The following CERS3 variants were observed in gnomAD, a reference collection of about 807,000 sequenced individuals.
CERS3 encodes ceramide synthase 3.
In CERS3, 33 loss-of-function variants were observed where a neutral mutation model predicts 50.3. The observed-to-expected ratio is 0.66, with a 90% CI of 0.50 to 0.88. The LOEUF (loss-of-function observed/expected upper bound fraction) is 0.88, where lower values mean the gene tolerates loss of function less well. Ranked by LOEUF, CERS3 falls within the 40% of genes least tolerant of loss-of-function variation. CERS3 has a pLI of 0.00. For missense variants in CERS3, 470 were observed against 460.3 expected (o/e 1.02, Z -0.19); for synonymous variants, 176 against 155.2 (o/e 1.13, Z -0.99).
intron 2 of CERS3, among the ~76,000 whole-genome samples, chr15:100,517,215 T>C (rs950912638): frequency 6.6e-6 from 1 of 152,264 alleles, no homozygotes; most frequent in African/African-American, 2.4e-5. Context: ...AAGTACATCA[T>C]GTGTCTCAGT....
chr15:100,496,857 C>A (rs1186716275), intron 3 of CERS3, among the ~76,000 whole-genome samples: 1 of 151,950 alleles, frequency 6.6e-6, no homozygotes. Flanking sequence ...ATTTTTATAT[C>A]GATGGAAGTT....
In CERS3 at chr15:100,520,291, G is replaced by A. The variant is rs112374679; in HGVS notation, c.-2+1376C>T. Among the ~76,000 whole-genome samples the A allele has an allele frequency of 8.5e-3, 1,300 of 152,316 alleles. 23 individuals are homozygous for A. The highest frequency in any genetic ancestry group is 0.029 in the African/African-American group (1,222 of 41,572). On this transcript the variant is annotated intron_variant, in intron 2 of 11. Coordinates refer to ENST00000679737, the MANE Select transcript of CERS3 (RefSeq NM_001378789.1). ...CTGGGAGGAAAGACAGGGCCCAGCT[G>A]AGGGCTGGTGCCTCCATTTGTATTC...
intron 2 of CERS3, among the ~76,000 whole-genome samples, chr15:100,512,249 T>C (rs1399653488): frequency 6.6e-6 from 1 of 152,222 alleles, no homozygotes; most frequent in African/African-American, 2.4e-5. Context: ...CCAATCCCTT[T>C]ACATATTTTC....
At chr15:100,533,012 T>C (rs2036977406), upstream of CERS3, among the ~76,000 whole-genome samples, 1 of 152,174 alleles carries the variant, frequency 6.6e-6, no homozygotes, top group African/African-American at 2.4e-5. Flanking sequence ...CTGAACTTCA[T>C]CTTCCCTTCC....
In CERS3 at chr15:100,476,123, G is replaced by A; in HGVS notation, c.572C>T (p.Ser191Phe). ...ATCAAAGCCAAGTCTAAATAACAGA[G>A]ACCAATAAAAACTCATTTCTAAAAT... is the stretch of plus-strand genomic sequence containing the variant. The part of the protein sequence containing the change: ...YYILEMSFYW[S>F]LLFRLGFDVK... Residue 191 changes from serine to phenylalanine, a missense_variant, in exon 8 of 12, where the codon TCT becomes TTT. Ser to Phe is a radical substitution (Grantham distance 155). Transcript: ENST00000679737. The A allele has an allele frequency of 6.3e-7, 1 of 1,580,116 alleles. No homozygotes were observed. The highest frequency in any genetic ancestry group is 2.4e-5 in the East Asian group (1 of 41,808).
chr15:100,464,386 G>C (rs1410087940), intron 10 of CERS3, among the ~76,000 whole-genome samples: 1 of 152,114 alleles, frequency 6.6e-6, no homozygotes. Flanking sequence ...CCCTTGTACT[G>C]TTCGTAACAC....
intron 9 of CERS3, 68 bp from the exon 10 acceptor site, chr15:100,469,552 T>TGTA: frequency 9.2e-7 from 1 of 1,090,702 alleles, no homozygotes; most frequent in Non-Finnish European, 1.4e-6. Flanking sequence ...AATTTATAAA[T>TGTA]GAAATGATAT....
rs2654633 is a variant in CERS3 at position 100,484,245 on chromosome 15, T to C, written c.407+305A>G. Among the ~76,000 whole-genome samples the C allele has an allele frequency of 0.055, 8,336 of 152,272 alleles. 311 individuals are homozygous for C. Among genetic ancestry groups the C allele is most frequent in the Non-Finnish European group, 0.088 (5,967 of 68,004 alleles). ...CCAGTTAAGACATTTTTATGATTTTTTCTGGGTTTCAGGCTGAGTACATAA... is the reference window on the plus strand; with the variant it reads ...CCAGTTAAGACATTTTTATGATTTTCTCTGGGTTTCAGGCTGAGTACATAA... On this transcript the variant is annotated intron_variant, in intron 5 of 11. Coordinates refer to ENST00000679737, the MANE Select transcript of CERS3 (RefSeq NM_001378789.1).
chr15:100,408,732 A>G (rs997013244), intron 11 of CERS3: 2 of 152,196 alleles, frequency 1.3e-5, no homozygotes, highest in Admixed American at 1.3e-4. Context: ...TTGGAAATCA[A>G]TAAATCTCTC....
chr15:100,484,251 G>A (rs1340516796), intron 5 of CERS3, among the ~76,000 whole-genome samples: 2 of 152,156 alleles, frequency 1.3e-5, no homozygotes, highest in East Asian at 1.9e-4. Flanking sequence ...TTTTTTCTGG[G>A]TTTCAGGCTG....
intron 11 of CERS3, among the ~76,000 whole-genome samples, chr15:100,455,229 C>T (rs946499237): frequency 2.0e-5 from 3 of 151,578 alleles, no homozygotes; most frequent in African/African-American, 4.9e-5. Context: ...CCAGCAATCT[C>T]ACTACTGCAT....
chr15:100,441,053 A>G (rs1006212812), intron 11 of CERS3, among the ~76,000 whole-genome samples: 2 of 151,840 alleles, frequency 1.3e-5, no homozygotes, highest in African/African-American at 4.8e-5. Flanking sequence ...TTGGTCCTTC[A>G]CCCTTAGCGG....
chr15:100,446,218 G>C (rs1030202393), intron 11 of CERS3, among the ~76,000 whole-genome samples: 2 of 151,736 alleles, frequency 1.3e-5, no homozygotes, highest in East Asian at 1.9e-4. Context: ...CTTTTTCAGA[G>C]ATCACAGAAA....
chr15:100,400,610 A>T lies in CERS3; in HGVS notation c.*2103T>A, dbSNP rs930843679. ...GTTTAGTGCTTTCAGCTGTATCAGAAATAGTTAAAATTGGTATATCAATTT... is the reference window on the plus strand; with the variant it reads ...GTTTAGTGCTTTCAGCTGTATCAGATATAGTTAAAATTGGTATATCAATTT... On this transcript the variant is annotated 3_prime_UTR_variant, in exon 12 of 12. Coordinates refer to ENST00000679737, the MANE Select transcript of CERS3 (RefSeq NM_001378789.1). 4 of 152,332 alleles carry T rather than the reference A, an allele frequency of 2.6e-5. No homozygotes were observed. The East Asian group carries it at 7.7e-4, about 29-fold the overall frequency. 9.4% of individuals were successfully genotyped at this position (152,332 alleles called of 1,614,324 possible). A position where few individuals can be genotyped will look rare whatever the true frequency, so the allele number is the denominator to read the frequency against.
intron 11 of CERS3, among the ~76,000 whole-genome samples, chr15:100,417,256 A>G (rs2031996602): frequency 6.6e-6 from 1 of 151,790 alleles, no homozygotes; most frequent in Non-Finnish European, 1.5e-5. Context: ...AGGGCGAGGC[A>G]TTGCCTCACT....
At chr15:100,416,559 G>T (rs1237962520) in intron 11 of CERS3, among the ~76,000 whole-genome samples, 1 of 152,204 alleles carries the variant, frequency 6.6e-6, no homozygotes, top group African/African-American at 2.4e-5. Context: ...TGGCTGGGGA[G>T]GCCTCAGGAA....
intron 10 of CERS3, among the ~76,000 whole-genome samples, chr15:100,458,780 T>C (rs1009536963): frequency 1.3e-5 from 2 of 152,220 alleles, no homozygotes; most frequent in Admixed American, 6.5e-5. Flanking sequence ...TTGCCCCTCC[T>C]ATCACCACAT....
chr15:100,489,464 T>A (rs1241508195), intron 4 of CERS3, among the ~76,000 whole-genome samples: 2 of 152,188 alleles, frequency 1.3e-5, no homozygotes, highest in East Asian at 3.9e-4. Flanking sequence ...ATTTTCTAGA[T>A]AATTTTAAAT....
chr15:100,536,195 T>C (rs2037070669), intron 1 of CERS3, among the ~76,000 whole-genome samples: 1 of 152,172 alleles, frequency 6.6e-6, no homozygotes, highest in South Asian at 2.1e-4. Context: ...GCTCATATGT[T>C]AAGCATGAAT....
Sources: gnomAD v4.1 joint callset for allele counts (sites outside exome capture counted in the v4.1 genomes callset) on GRCh38, gnomAD v4.1.1 for gene constraint, MANE v1.5 for transcripts, NCBI Gene and HGNC (gene_info 2026-07-23, HGNC 2026-07-21) for gene names.